Variants in SBDS observed in about 807,000 individuals in gnomAD.
SBDS encodes SBDS ribosome maturation factor, also known as ribosome maturation protein SBDS.
A neutral mutation model predicts 26.4 loss-of-function variants in SBDS; 20 were observed. That is an observed-to-expected ratio of 0.76 (90% CI 0.53 to 1.10). The LOEUF is 1.10. Among genes scored for constraint, SBDS ranks in the 50% least tolerant of loss-of-function variants. The probability of loss-of-function intolerance (pLI) is 0.00; values close to 1 mark genes in which losing one functional copy is unlikely to be tolerated. For missense variants in SBDS, 241 were observed against 302.0 expected (o/e 0.80, Z 1.50); for synonymous variants, 95 against 105.1 (o/e 0.90, Z 0.59).
At chr7:66,988,596 A>G in intron 4 of SBDS, 97 bp from the exon 5 acceptor site, 1 of 1,381,162 alleles carries the variant, frequency 7.2e-7, no homozygotes, top group Non-Finnish European at 1.0e-6. Context: ...AATGCTGTCC[A>G]GATCTCTAAT....
chr7:66,994,951 T>C (rs1377049531), intron 1 of SBDS, among the ~76,000 whole-genome samples: 1 of 152,148 alleles, frequency 6.6e-6, no homozygotes, highest in Non-Finnish European at 1.5e-5. Context: ...ACACCAGATG[T>C]ACCCACAACT....
In SBDS at chr7:66,993,429, C is replaced by T. The variant is rs1462373171; in HGVS notation, c.259-12G>A. 4 of 1,603,898 alleles carry T rather than the reference C, an allele frequency of 2.5e-6. No homozygotes were observed. The highest frequency in any genetic ancestry group is 1.1e-5 in the South Asian group (1 of 90,900). ...CCTTTAGTCAAAATCTAAAAAAATG[C>T]CAACACATTTAAGAAATCACTATCT... On this transcript the variant is annotated splice_polypyrimidine_tract_variant and intron_variant, in intron 2 of 4. Coordinates refer to ENST00000246868, the MANE Select transcript of SBDS (RefSeq NM_016038.4).
chr7:66,995,376 A>G lies in SBDS; in HGVS notation c.42T>C (p.Asn14=). 6.2e-7 allele frequency: 1 copy of G among 1,614,070 alleles called. No individual in the cohort carries two copies. Among genetic ancestry groups the G allele is most frequent in the Non-Finnish European group, 8.5e-7 (1 of 1,179,994 alleles). Residue 14 remains asparagine, a synonymous_variant, in exon 1 of 5, where the codon AAT becomes AAC. Coordinates refer to ENST00000246868, the MANE Select transcript of SBDS (RefSeq NM_016038.4). The stretch of plus-strand genomic sequence containing the variant: ...CACGCTTCATCCGTACCACGGCCAC[A>G]TTGGTTAGGCGGATCTGGTTGGTGG... ...FTPTNQIRLT[N]VAVVRMKRAG...
intron 2 of SBDS, 137 bp downstream of exon 2, chr7:66,994,075 A>G (rs1433418410): frequency 1.3e-6 from 1 of 785,186 alleles, no homozygotes; most frequent in African/African-American, 1.8e-5. Context: ...GTTCTTTATT[A>G]TTAGAAGTGA....
chr7:66,992,082 T>G (rs1792987263), intron 3 of SBDS, among the ~76,000 whole-genome samples: 2 of 152,254 alleles, frequency 1.3e-5, no homozygotes, highest in South Asian at 4.1e-4. Context: ...TTGCTCATCA[T>G]AGCTCAAAAG....
intron 1 of SBDS, 71 bp from the exon 2 acceptor site, chr7:66,994,412 C>A: frequency 7.6e-7 from 1 of 1,324,288 alleles, no homozygotes; most frequent in Non-Finnish European, 1.1e-6. Flanking sequence ...CATTTAAATA[C>A]GAGATGGCAA....
intron 1 of SBDS, 105 bp from the exon 2 acceptor site, chr7:66,994,446 A>C: frequency 1.9e-6 from 2 of 1,039,278 alleles, no homozygotes; most frequent in Non-Finnish European, 3.0e-6. Context: ...AAGACACAAC[A>C]AATCCCCCTG....
rs768454020 is a variant in SBDS at position 66,995,358 on chromosome 7, C to A, written c.60G>T (p.Met20Ile). ...TTTCGAAGCGCTTCCCGGCACGCTT[C>A]ATCCGTACCACGGCCACATTGGTTA... is the stretch of plus-strand genomic sequence containing the variant. ...IRLTNVAVVR[M>I]KRAGKRFEIA... The change falls in exon 1 of 5, where the codon ATG becomes ATT. Residue 20 changes from methionine to isoleucine, a missense_variant. Transcript: ENST00000246868. The A allele has an allele frequency of 3.1e-6, 5 of 1,614,158 alleles. No homozygotes were observed. The South Asian group carries it at 5.5e-5, about 18-fold the overall frequency.
intron 4 of SBDS, among the ~76,000 whole-genome samples, chr7:66,990,738 T>TGGGTGGCC (rs1562954273): frequency 6.6e-6 from 1 of 152,166 alleles, no homozygotes; most frequent in African/African-American, 2.4e-5. Flanking sequence ...AATATCTGGC[T>TGGGTGGCC]GGGCGCGGTG....
At chr7:66,991,015 T>TC in intron 4 of SBDS, 122 bp downstream of exon 4, 1 of 894,358 alleles carries the variant, frequency 1.1e-6, no homozygotes, top group African/African-American at 1.7e-5. Context: ...AGACTCCATC[T>TC]CAAAAAAAAA....
At chr7:66,992,344 T>C (rs1792991618) in intron 3 of SBDS, among the ~76,000 whole-genome samples, 1 of 152,128 alleles carries the variant, frequency 6.6e-6, no homozygotes, top group Non-Finnish European at 1.5e-5. Flanking sequence ...TGGCTACTAA[T>C]GGATACTGAC....
intron 1 of SBDS, chr7:66,995,088 C>A: frequency 1.4e-6 from 1 of 694,244 alleles, no homozygotes; most frequent in Non-Finnish European, 2.4e-6. Context: ...ACAACCCAAT[C>A]CGAACCAACC....
At chr7:66,994,089 T>C in intron 2 of SBDS, 123 bp downstream of exon 2, 1 of 899,586 alleles carries the variant, frequency 1.1e-6, no homozygotes, top group Non-Finnish European at 1.8e-6. Flanking sequence ...GAAGTGACAC[T>C]GTGCAGTTCA....
In SBDS at chr7:66,995,537, G is replaced by C; in HGVS notation, c.-120C>G. 2 of 1,462,308 alleles carry C rather than the reference G, an allele frequency of 1.4e-6. No homozygotes were observed. Among genetic ancestry groups the C allele is most frequent in the Non-Finnish European group, 1.9e-6 (2 of 1,062,926 alleles). 90.6% of individuals were successfully genotyped at this position (1,462,308 alleles called of 1,614,324 possible). ...GCGCGCGGCACTGACCCAACCACCA[G>C]TGCGCGGCGCCGCGACTCACTAGCT... is the stretch of plus-strand genomic sequence containing the variant. On this transcript the variant is annotated 5_prime_UTR_variant, in exon 1 of 5. Transcript: ENST00000246868.
At chr7:66,991,754 G>C in intron 3 of SBDS, among the ~76,000 whole-genome samples, 1 of 151,186 alleles carries the variant, frequency 6.6e-6, no homozygotes, top group Admixed American at 6.6e-5. Flanking sequence ...AGAGGGCGGG[G>C]GGGGTGGGCA....
chr7:66,991,096 T>C, intron 4 of SBDS, 41 bp downstream of exon 4: 1 of 1,494,490 alleles, frequency 6.7e-7, no homozygotes, highest in East Asian at 2.3e-5. Flanking sequence ...GAGAATACAA[T>C]ATTTAGGTAA....
At position 66,988,387 on chromosome 7, in the gene SBDS, TCTC is replaced by T. The variant is rs1440547819; in HGVS notation, c.734_736del (p.Gly245del). On this transcript the variant is annotated inframe_deletion, in exon 5 of 5. Coordinates refer to ENST00000246868, the MANE Select transcript of SBDS (RefSeq NM_016038.4). ...TGATGGGTGTCATTCAAATTTCTCA[TCTC>T]CTTCTTCTACATCTTTCAGATTGAG... is the stretch of plus-strand genomic sequence containing the variant. 8 of 1,613,468 alleles carry T rather than the reference TCTC, an allele frequency of 5.0e-6. No individual in the cohort carries two copies. Among genetic ancestry groups the T allele is most frequent in the Non-Finnish European group, 6.8e-6 (8 of 1,180,004 alleles).
At chr7:66,989,245 C>CT (rs2129231345) in intron 4 of SBDS, among the ~76,000 whole-genome samples, 1 of 130,518 alleles carries the variant, frequency 7.7e-6, no homozygotes, top group African/African-American at 2.7e-5. Flanking sequence ...AGCTCATTTA[C>CT]TTTTAAAAAG....
chr7:66,995,095 A>G lies in SBDS; in HGVS notation c.128+195T>C, dbSNP rs1348052722. The G allele has an allele frequency of 2.2e-5, 16 of 730,646 alleles. No homozygotes were observed. In the African/African-American group the frequency reaches 2.3e-4, roughly 11 times the overall value. The allele number at this position is 730,646 out of a possible 1,614,324, so 45.3% of individuals were successfully genotyped here. On this transcript the variant is annotated intron_variant, in intron 1 of 4. Coordinates refer to ENST00000246868, the MANE Select transcript of SBDS (RefSeq NM_016038.4). ...CCAAACCAACAACCCAATCCGAACC[A>G]ACCAAATAAAGAAGAAACCCTTGGC...
Sources: allele counts gnomAD v4.1 joint callset (sites outside exome capture counted in the v4.1 genomes callset), GRCh38; gene constraint gnomAD v4.1.1; transcripts MANE v1.5; gene names NCBI Gene and HGNC (gene_info 2026-07-23, HGNC 2026-07-21).